The following SH3D19 variants were observed in gnomAD, a reference collection of about 807,000 sequenced individuals.
SH3D19 encodes SH3 domain-containing protein 19.
A neutral mutation model predicts 112.1 loss-of-function variants in SH3D19; 58 were observed. The observed-to-expected ratio is 0.52, with a 90% CI of 0.42 to 0.64. The LOEUF (loss-of-function observed/expected upper bound fraction) is 0.64, where lower values mean the gene tolerates loss of function less well. Among genes scored for constraint, SH3D19 ranks in the 30% least tolerant of loss-of-function variants. SH3D19 has a pLI of 0.00. For synonymous variants in SH3D19, 391 were observed against 448.5 expected (o/e 0.87, Z 1.62); for missense variants, 1,090 against 1,263.4 (o/e 0.86, Z 2.08).
At chr4:151,123,227 T>C (rs897657819) in intron 19 of SH3D19, among the ~76,000 whole-genome samples, 4 of 152,228 alleles carry the variant, frequency 2.6e-5, no homozygotes, top group Non-Finnish European at 1.5e-5. Context: ...CTTGCCAGTG[T>C]CGCATGTCTA....
At chr4:151,210,700 C>G (rs1765832367) in intron 2 of SH3D19, among the ~76,000 whole-genome samples, 1 of 136,318 alleles carries the variant, frequency 7.3e-6, no homozygotes, top group Non-Finnish European at 1.6e-5. Context: ...TGTGCCTGGC[C>G]CCCCAGTATT....
intron 1 of SH3D19, among the ~76,000 whole-genome samples, chr4:151,281,184 T>C (rs1774189273): frequency 6.6e-6 from 1 of 152,190 alleles, no homozygotes; most frequent in Non-Finnish European, 1.5e-5. Flanking sequence ...ATTGATAGAA[T>C]GCCTGACAAG....
intron 1 of SH3D19, among the ~76,000 whole-genome samples, chr4:151,249,268 A>G (rs912272391): frequency 2.0e-5 from 3 of 152,208 alleles, no homozygotes; most frequent in South Asian, 2.1e-4. Flanking sequence ...TTAGTTCAAT[A>G]AAAGATTTAT....
intron 2 of SH3D19, among the ~76,000 whole-genome samples, chr4:151,194,408 T>C (rs1763101119): frequency 6.6e-6 from 1 of 152,074 alleles, no homozygotes; most frequent in Non-Finnish European, 1.5e-5. Context: ...GAGGTGTCTA[T>C]TAAATGCCAG....
At chr4:151,173,982 ACT>A (rs1208312638) in intron 7 of SH3D19, among the ~76,000 whole-genome samples, 1 of 152,082 alleles carries the variant, frequency 6.6e-6, no homozygotes, top group Non-Finnish European at 1.5e-5. Flanking sequence ...AAGAAAACAT[ACT>A]CTCTGCCTTC....
chr4:151,151,238 C>T (rs1333886999), intron 9 of SH3D19, among the ~76,000 whole-genome samples: 6 of 152,042 alleles, frequency 3.9e-5, no homozygotes, highest in South Asian at 2.1e-4. Flanking sequence ...TGGGATTACA[C>T]GCGTGAGCCA....
At chr4:151,181,998 T>A (rs913693811) in intron 3 of SH3D19, among the ~76,000 whole-genome samples, 12 of 151,916 alleles carry the variant, frequency 7.9e-5, no homozygotes, top group African/African-American at 2.7e-4. Context: ...TTTTTTTTTT[T>A]ATTTTTTTGA....
intron 7 of SH3D19, among the ~76,000 whole-genome samples, chr4:151,172,849 T>G (rs1395697079): frequency 1.3e-5 from 2 of 152,022 alleles, no homozygotes; most frequent in Admixed American, 1.3e-4. Context: ...CAATAGTGAG[T>G]TGCAAAATAT....
intron 4 of SH3D19, among the ~76,000 whole-genome samples, chr4:151,178,181 GT>G (rs11358082): frequency 0.087 from 13,263 of 152,274 alleles, 802 homozygotes; most frequent in East Asian, 0.19. Flanking sequence ...GATTAAAGGT[GT>G]AAGGCACTGT....
intron 1 of SH3D19, among the ~76,000 whole-genome samples, chr4:151,268,466 GT>G (rs1426020215): frequency 1.3e-5 from 2 of 151,896 alleles, no homozygotes; most frequent in East Asian, 3.9e-4. Flanking sequence ...TATACTTTAA[GT>G]TTTAGGGTAC....
chr4:151,160,398 T>C (rs1321490700), intron 8 of SH3D19, among the ~76,000 whole-genome samples: 1 of 152,270 alleles, frequency 6.6e-6, no homozygotes. Context: ...ATGTGTTTTC[T>C]AATTCAGTAG....
intron 2 of SH3D19, among the ~76,000 whole-genome samples, chr4:151,192,696 A>G: frequency 6.6e-6 from 1 of 152,208 alleles, no homozygotes; most frequent in Non-Finnish European, 1.5e-5. Context: ...AGAACAAAAC[A>G]AACCTACAAG....
chr4:151,151,216 C>T (rs1755012013), intron 9 of SH3D19, among the ~76,000 whole-genome samples: 1 of 152,166 alleles, frequency 6.6e-6, no homozygotes, highest in African/African-American at 2.4e-5. Flanking sequence ...CCGCCTTGGC[C>T]TCCCAAAGTG....
chr4:151,263,844 G>A (rs564310283), intron 1 of SH3D19, among the ~76,000 whole-genome samples: 6 of 152,180 alleles, frequency 3.9e-5, no homozygotes, highest in South Asian at 2.1e-4. Flanking sequence ...CTCACTCTGC[G>A]GCCCAGGCTG....
chr4:151,131,390 A>G (rs972984606), intron 17 of SH3D19, among the ~76,000 whole-genome samples: 1 of 149,430 alleles, frequency 6.7e-6, no homozygotes, highest in African/African-American at 2.5e-5. Context: ...ATGGTATTTT[A>G]TTGCTGCTTT....
At chr4:151,270,123 AATAC>A (rs1773131567) in intron 1 of SH3D19, among the ~76,000 whole-genome samples, 1 of 152,220 alleles carries the variant, frequency 6.6e-6, no homozygotes, top group Non-Finnish European at 1.5e-5. Context: ...TAGCATAATA[AATAC>A]ATAAAGAAGT....
At chr4:151,308,157 C>T (rs932219017) in intron 1 of SH3D19, among the ~76,000 whole-genome samples, 25 of 152,154 alleles carry the variant, frequency 1.6e-4, no homozygotes, top group Admixed American at 5.2e-4. Flanking sequence ...CCACCCACCT[C>T]GGCCTCCCAA....
intron 1 of SH3D19, among the ~76,000 whole-genome samples, chr4:151,309,843 G>A (rs1035836899): frequency 5.3e-5 from 8 of 151,866 alleles, no homozygotes; most frequent in African/African-American, 1.9e-4. Flanking sequence ...TTTAAAAATT[G>A]GCTGGGTATG....
intron 9 of SH3D19, among the ~76,000 whole-genome samples, chr4:151,151,966 C>T (rs559486958): frequency 3.3e-4 from 50 of 152,242 alleles, no homozygotes; most frequent in Admixed American, 9.2e-4. Flanking sequence ...CAGCATATGA[C>T]CCTAATTTTG....
Sources: allele counts gnomAD v4.1 joint callset (sites outside exome capture counted in the v4.1 genomes callset), GRCh38; gene constraint gnomAD v4.1.1; transcripts MANE v1.5; gene names NCBI Gene and HGNC (gene_info 2026-07-23, HGNC 2026-07-21).